Variants in SCAI observed in about 807,000 individuals in gnomAD.
SCAI encodes the protein suppressor of cancer cell invasion, also known as protein SCAI.
SCAI carries 24 observed loss-of-function variants against 92.2 expected under a neutral mutation model. The observed-to-expected ratio is 0.26, with a 90% CI of 0.19 to 0.37. SCAI has a LOEUF of 0.37. SCAI is among the 10% of genes least tolerant of loss of function. The pLI, the probability that SCAI is intolerant of heterozygous loss-of-function variation, is 1.00. For synonymous variants in SCAI, 261 were observed against 258.6 expected, an observed-to-expected ratio of 1.01 and a Z score of -0.09; for missense variants, 450 against 736.2, an observed-to-expected ratio of 0.61 and a Z score of 4.50.
chr9:124,972,446 T>C (rs1259166692), intron 15 of SCAI, among the ~76,000 whole-genome samples: 1 of 152,178 alleles, frequency 6.6e-6, no homozygotes, highest in African/African-American at 2.4e-5. Flanking sequence ...ACACTAAAAA[T>C]GTGACTAGAT....
intron 3 of SCAI, among the ~76,000 whole-genome samples, chr9:125,042,642 C>CGTGTGTGTGTGT (rs1833344683): frequency 1.2e-5 from 1 of 84,176 alleles, no homozygotes; most frequent in African/African-American, 4.2e-5. Context: ...TGTACACACA[C>CGTGTGTGTGTGT]ACACACACAC....
chr9:125,027,497 CCTTTT>C (rs375691027), intron 5 of SCAI, among the ~76,000 whole-genome samples: 161 of 151,966 alleles, frequency 1.1e-3, no homozygotes, highest in East Asian at 1.5e-3. Context: ...AGTTTTATTG[CCTTTT>C]CTTTTCTTTT....
intron 2 of SCAI, among the ~76,000 whole-genome samples, chr9:125,134,054 A>G (rs978358305): frequency 6.6e-6 from 1 of 152,210 alleles, no homozygotes; most frequent in African/African-American, 2.4e-5. Context: ...TCTTAAAAAC[A>G]TCTTTCTTTC....
chr9:124,981,370 C>T (rs1465826649), intron 14 of SCAI, among the ~76,000 whole-genome samples: 1 of 152,116 alleles, frequency 6.6e-6, no homozygotes, highest in Admixed American at 6.6e-5. Context: ...CCGAACAACT[C>T]TTGTTATTGT....
intron 2 of SCAI, among the ~76,000 whole-genome samples, chr9:125,063,156 T>C (rs1449446735): frequency 6.8e-6 from 1 of 147,542 alleles, no homozygotes; most frequent in Non-Finnish European, 1.5e-5. Flanking sequence ...ACGCCTGTAA[T>C]CCCAGCACTT....
Position 125,018,787 on chromosome 9 carries a change from A to G in SCAI, c.861+12T>C. 1 of 1,596,968 alleles carries G rather than the reference A, an allele frequency of 6.3e-7. No individual in the cohort carries two copies. The highest frequency in any genetic ancestry group is 8.5e-7 in the Non-Finnish European group (1 of 1,171,758). On this transcript the variant is annotated intron_variant, in intron 9 of 17. Transcript: ENST00000336505. ...AGTGAATTTTAAGCATAATTCCTTC[A>G]CAATTCTTTACCTGATTATTACAAT...
chr9:125,137,863 A>G (rs2131274311), intron 2 of SCAI, among the ~76,000 whole-genome samples: 1 of 152,272 alleles, frequency 6.6e-6, no homozygotes, highest in East Asian at 1.9e-4. Context: ...CAGCCTCCCA[A>G]AGTGCTGGGA....
At chr9:125,084,908 G>A (rs1834296235) in intron 2 of SCAI, among the ~76,000 whole-genome samples, 1 of 152,182 alleles carries the variant, frequency 6.6e-6, no homozygotes, top group Non-Finnish European at 1.5e-5. Flanking sequence ...TACACTGGAT[G>A]TGAATTCTGA....
chr9:125,092,344 T>C (rs973376170), intron 2 of SCAI, among the ~76,000 whole-genome samples: 18 of 151,708 alleles, frequency 1.2e-4, no homozygotes, highest in African/African-American at 4.1e-4. Context: ...TGCCAGTTAC[T>C]TGGGAGGCTG....
intron 2 of SCAI, among the ~76,000 whole-genome samples, chr9:125,083,517 CA>C (rs560240303): frequency 0.081 from 3,969 of 49,150 alleles, 62 homozygotes; most frequent in African/African-American, 0.16. Flanking sequence ...GACTCCATCT[CA>C]AAAAAAAAAA....
At chr9:125,003,291 G>T in intron 10 of SCAI, 76 bp from the exon 11 acceptor site, 1 of 1,193,112 alleles carries the variant, frequency 8.4e-7, no homozygotes, top group South Asian at 1.2e-5. Context: ...ATTTTCACTA[G>T]CCCTTATCAA....
At chr9:124,959,310 T>C (rs1358265274) in intron 17 of SCAI, among the ~76,000 whole-genome samples, 4 of 150,380 alleles carry the variant, frequency 2.7e-5, no homozygotes, top group Non-Finnish European at 5.9e-5. Flanking sequence ...AAAAAGAATT[T>C]TGATGAAATT....
At position 125,007,571 on chromosome 9, in the gene SCAI, G is replaced by T. The variant is rs184802365; in HGVS notation, c.862-4001C>A. Among the ~76,000 whole-genome samples the T allele has an allele frequency of 2.6e-5, 4 of 152,150 alleles. No individual in the cohort carries two copies. The East Asian group carries it at 7.8e-4, about 30-fold the overall frequency. ...AGGCTGAGGCAGGAAGATCACTTCA[G>T]CCTGGGAGGTCAAGGCTACAGTGAG... On this transcript the variant is annotated intron_variant, in intron 9 of 17. Transcript: ENST00000336505.
At chr9:125,039,491 C>T (rs753225473) in intron 3 of SCAI, among the ~76,000 whole-genome samples, 3 of 152,060 alleles carry the variant, frequency 2.0e-5, no homozygotes, top group Non-Finnish European at 4.4e-5. Context: ...GATTTCACCA[C>T]TGGAGACTTT....
At chr9:125,058,052 T>A (rs1006469736) in intron 2 of SCAI, among the ~76,000 whole-genome samples, 1 of 151,188 alleles carries the variant, frequency 6.6e-6, no homozygotes, top group Non-Finnish European at 1.5e-5. Flanking sequence ...AGAGCTATGA[T>A]CCCTCCACTG....
intron 15 of SCAI, among the ~76,000 whole-genome samples, chr9:124,973,454 T>A (rs759514740): frequency 2.6e-5 from 4 of 152,246 alleles, no homozygotes; most frequent in African/African-American, 9.6e-5. Context: ...TCCCAGCACT[T>A]TGGGAGGCCA....
intron 3 of SCAI, among the ~76,000 whole-genome samples, chr9:125,033,290 T>C (rs1214918645): frequency 2.6e-5 from 4 of 151,954 alleles, no homozygotes; most frequent in African/African-American, 9.7e-5. Context: ...AAGAGAAAGA[T>C]TTGGATAGGC....
intron 2 of SCAI, among the ~76,000 whole-genome samples, chr9:125,062,435 T>C (rs988194701): frequency 2.1e-5 from 3 of 145,064 alleles, no homozygotes; most frequent in Non-Finnish European, 3.0e-5. Flanking sequence ...CTAGTCTCTA[T>C]ATTAAAATTA....
At chr9:125,082,880 CA>C (rs1430531688) in intron 2 of SCAI, among the ~76,000 whole-genome samples, 3 of 152,316 alleles carry the variant, frequency 2.0e-5, no homozygotes, top group East Asian at 3.9e-4. Context: ...GGCTCATAGG[CA>C]GAAGGGACTT....
Sources: gnomAD v4.1 joint callset for allele counts (sites outside exome capture counted in the v4.1 genomes callset) on GRCh38, gnomAD v4.1.1 for gene constraint, MANE v1.5 for transcripts, NCBI Gene and HGNC (gene_info 2026-07-23, HGNC 2026-07-21) for gene names.